PDE4C: variants seen among roughly 807,000 people sequenced by gnomAD.
PDE4C encodes phosphodiesterase 4C, also known as 3',5'-cyclic-AMP phosphodiesterase 4C.
A neutral mutation model predicts 63.9 loss-of-function variants in PDE4C; 50 were observed. That is an observed-to-expected ratio of 0.78 (90% CI 0.62 to 0.99). The LOEUF is 0.99. Ranked by LOEUF, PDE4C falls within the 50% of genes least tolerant of loss-of-function variation. The pLI, the probability that PDE4C is intolerant of heterozygous loss-of-function variation, is 0.00. For missense variants in PDE4C, 777 were observed against 899.1 expected, an observed-to-expected ratio of 0.86 and a Z score of 1.74; for synonymous variants, 377 against 385.1, an observed-to-expected ratio of 0.98 and a Z score of 0.25.
At position 18,245,883 on chromosome 19, in the gene PDE4C, G is replaced by A. The variant is rs1051912081; in HGVS notation, c.-210+2288C>T. On this transcript the variant is annotated intron_variant, in intron 1 of 15. Transcript: ENST00000594617. The stretch of plus-strand genomic sequence containing the variant: ...TTTTGAGACGGAGTCTCGCTCTGTT[G>A]TCCAGGCTGGAGTGCAGTGGCGCAA... Among the ~76,000 whole-genome samples the A allele has an allele frequency of 4.6e-5, 7 of 151,954 alleles. No individual in the cohort carries two copies. In the East Asian group the frequency reaches 1.2e-3, roughly 25 times the overall value.
chr19:18,230,878 A>G (rs1273033693), upstream of PDE4C, among the ~76,000 whole-genome samples: 1 of 152,156 alleles, frequency 6.6e-6, no homozygotes, highest in Non-Finnish European at 1.5e-5. Context: ...TTGCGTCTCC[A>G]ACACAGGGCC....
At chr19:18,246,925 T>TA (rs1004485439) in intron 1 of PDE4C, among the ~76,000 whole-genome samples, 1 of 152,032 alleles carries the variant, frequency 6.6e-6, no homozygotes, top group Non-Finnish European at 1.5e-5. Flanking sequence ...AGACCCTGTC[T>TA]AAAAAACAAA....
At chr19:18,247,117 A>G (rs1232790329) in intron 1 of PDE4C, among the ~76,000 whole-genome samples, 2 of 152,196 alleles carry the variant, frequency 1.3e-5, no homozygotes, top group African/African-American at 4.8e-5. Flanking sequence ...GGGGGCAGCC[A>G]GGTCCCCTTT....
exon 15 of PDE4C, chr19:18,210,922 G>A (rs1357106481): frequency 1.3e-6 from 2 of 1,594,444 alleles, no homozygotes; most frequent in South Asian, 2.3e-5. Context: ...TTCACGCAGG[G>A]CTGGCCCTAA....
intron 2 of PDE4C, among the ~76,000 whole-genome samples, chr19:18,221,707 C>T (rs1401918118): frequency 2.0e-5 from 3 of 152,158 alleles, no homozygotes; most frequent in Non-Finnish European, 2.9e-5. Flanking sequence ...TCACTACAAC[C>T]TCCGCCTCCT....
upstream of PDE4C, chr19:18,249,820 G>A (rs559651208): frequency 3.7e-4 from 98 of 265,504 alleles, no homozygotes; most frequent in Non-Finnish European, 5.8e-4. Flanking sequence ...AGATCTGCCC[G>A]CCTTGGCCTC....
upstream of PDE4C, among the ~76,000 whole-genome samples, chr19:18,226,888 G>A (rs2148045010): frequency 6.6e-6 from 1 of 152,168 alleles, no homozygotes; most frequent in East Asian, 1.9e-4. Flanking sequence ...TTATAGGTGT[G>A]AGCCATTGCG....
chr19:18,232,330 T>C (rs1027311430), intron 1 of PDE4C, among the ~76,000 whole-genome samples: 6 of 151,794 alleles, frequency 4.0e-5, no homozygotes, highest in Non-Finnish European at 8.8e-5. Flanking sequence ...GACACTGCAC[T>C]TGTACCTGGG....
chr19:18,215,063 C>T (rs118147323), intron 12 of PDE4C, among the ~76,000 whole-genome samples: 261 of 152,170 alleles, frequency 1.7e-3, no homozygotes, highest in Non-Finnish European at 2.8e-3. Flanking sequence ...CAAAACTTCT[C>T]CTCAAATCTC....
chr19:18,240,315 C>T lies in PDE4C; in HGVS notation c.-209-6915G>A, dbSNP rs1199438276. On this transcript the variant is annotated intron_variant, in intron 1 of 15. Transcript: ENST00000594617. The stretch of plus-strand genomic sequence containing the variant: ...GTGGTACATGTGCCTGTAGTTTCAG[C>T]TCCCAAGGAGGCTGAGGCAGGAGGA... Among the ~76,000 whole-genome samples the T allele has an allele frequency of 3.3e-5, 5 of 151,046 alleles. No individual in the cohort carries two copies. In the South Asian group the frequency reaches 8.4e-4, roughly 25 times the overall value.
chr19:18,247,610 C>G (rs889960385), intron 1 of PDE4C, among the ~76,000 whole-genome samples: 1 of 152,102 alleles, frequency 6.6e-6, no homozygotes, highest in African/African-American at 2.4e-5. Context: ...CTGGGTATTT[C>G]TCAGTAGAGG....
intron 1 of PDE4C, among the ~76,000 whole-genome samples, chr19:18,223,084 T>C (rs8100626): frequency 0.3 from 44,803 of 151,760 alleles, 7,009 homozygotes; most frequent in Non-Finnish European, 0.34. Flanking sequence ...CAGTTATCCA[T>C]GCTGGAGTGC....
chr19:18,235,087 G>A (rs1459859447), upstream of PDE4C, among the ~76,000 whole-genome samples: 1 of 152,204 alleles, frequency 6.6e-6, no homozygotes, highest in African/African-American at 2.4e-5. Flanking sequence ...GATGCCAGAT[G>A]TAAAGGGTCT....
At chr19:18,221,056 A>ACCCCGCCCG (rs1968454403) in intron 4 of PDE4C, 49 bp downstream of exon 4, 1 of 720,024 alleles carries the variant, frequency 1.4e-6, no homozygotes, top group African/African-American at 3.2e-5. Context: ...CTTTCCGCCC[A>ACCCCGCCCG]CCTTGTCTCT....
chr19:18,243,460 A>G (rs1969077998), intron 1 of PDE4C, among the ~76,000 whole-genome samples: 1 of 151,730 alleles, frequency 6.6e-6, no homozygotes, highest in Non-Finnish European at 1.5e-5. Context: ...GCCAGGAGTC[A>G]CACAGTTACC....
At chr19:18,234,705 T>C (rs118041720), upstream of PDE4C, among the ~76,000 whole-genome samples, 391 of 152,186 alleles carry the variant, frequency 2.6e-3, 2 homozygotes, top group Non-Finnish European at 4.5e-3. Context: ...TCAGAAGCAC[T>C]CAACAAGGTC....
chr19:18,232,745 C>G (rs1014040120), intron 1 of PDE4C, among the ~76,000 whole-genome samples: 4 of 152,270 alleles, frequency 2.6e-5, no homozygotes, highest in Admixed American at 6.5e-5. Flanking sequence ...TGGGCACACC[C>G]GGTCACACAG....
intron 12 of PDE4C, among the ~76,000 whole-genome samples, chr19:18,214,620 C>A (rs144321504): frequency 4.0e-4 from 61 of 152,106 alleles, no homozygotes; most frequent in African/African-American, 1.4e-3. Flanking sequence ...ACCATGTGCC[C>A]TGGAGGGCTA....
At chr19:18,226,371 G>T in exon 1 of PDE4C, 1 of 1,493,412 alleles carries the variant, frequency 6.7e-7, no homozygotes. Flanking sequence ...ATCCCCGAGG[G>T]GAGCCGGGCC....
Sources: allele counts gnomAD v4.1 joint callset (sites outside exome capture counted in the v4.1 genomes callset), GRCh38; gene constraint gnomAD v4.1.1; transcripts MANE v1.5; gene names NCBI Gene and HGNC (gene_info 2026-07-23, HGNC 2026-07-21).